The following GNB5 variants were observed in gnomAD, a reference collection of about 807,000 sequenced individuals.
GNB5 encodes guanine nucleotide-binding protein subunit beta-5.
A neutral mutation model predicts 55.3 loss-of-function variants in GNB5; 37 were observed. The observed-to-expected ratio is 0.67, with a 90% CI of 0.51 to 0.88. GNB5 has a LOEUF of 0.88. Among genes scored for constraint, GNB5 ranks in the 40% least tolerant of loss-of-function variants. GNB5 has a pLI of 0.00. For missense variants in GNB5, 476 were observed against 515.3 expected, an observed-to-expected ratio of 0.92 and a Z score of 0.74; for synonymous variants, 219 against 198.5, an observed-to-expected ratio of 1.10 and a Z score of -0.87.
At chr15:52,160,096 T>C (rs1257397554) in intron 3 of GNB5, among the ~76,000 whole-genome samples, 1 of 151,958 alleles carries the variant, frequency 6.6e-6, no homozygotes, top group Non-Finnish European at 1.5e-5. Flanking sequence ...TCCAGGCCCA[T>C]GCCACCACAC....
At chr15:52,125,743 TC>T in intron 11 of GNB5, 1 of 547,856 alleles carries the variant, frequency 1.8e-6, no homozygotes, top group Non-Finnish European at 3.2e-6. Context: ...AGCCTTCATT[TC>T]CCCCTGGAGT....
At chr15:52,175,297 A>T (rs2034629586) in intron 3 of GNB5, among the ~76,000 whole-genome samples, 1 of 152,212 alleles carries the variant, frequency 6.6e-6, no homozygotes, top group South Asian at 2.1e-4. Context: ...CTAATTTGGT[A>T]CTATAAAACT....
intron 5 of GNB5, among the ~76,000 whole-genome samples, chr15:52,148,638 C>T (rs928625508): frequency 6.6e-5 from 10 of 152,190 alleles, no homozygotes; most frequent in South Asian, 2.1e-4. Flanking sequence ...CAGGGATGGG[C>T]GCACTTAGTT....
chr15:52,184,771 G>T, intron 1 of GNB5, 77 bp from the exon 2 acceptor site: 1 of 1,217,380 alleles, frequency 8.2e-7, no homozygotes, highest in Non-Finnish European at 1.2e-6. Context: ...CTTCTTGCTT[G>T]TACCGTGGTA....
chr15:52,165,481 G>A (rs577592615), intron 3 of GNB5, among the ~76,000 whole-genome samples: 3 of 152,148 alleles, frequency 2.0e-5, no homozygotes, highest in East Asian at 1.9e-4. Flanking sequence ...AGGGAAGCCC[G>A]CCAGACTAAC....
intron 7 of GNB5, chr15:52,138,451 G>A (rs2033778898): frequency 6.5e-6 from 1 of 152,898 alleles, no homozygotes; most frequent in African/African-American, 2.4e-5. Context: ...ACAAGGAGGG[G>A]AATCTGCTCC....
Position 52,146,674 on chromosome 15 carries a change from C to G in GNB5, c.494+785G>C, listed in dbSNP as rs144787188. On this transcript the variant is annotated intron_variant, in intron 6 of 12. Transcript: ENST00000261837. ...TAATCTCCCAGGCTCAAGCAGTCCT[C>G]CCACCTCAGCTTCCAGAATAGCTGG... Among the ~76,000 whole-genome samples the G allele has an allele frequency of 4.7e-3, 716 of 152,104 alleles. 16 individuals are homozygous for G. Among genetic ancestry groups the G allele is most frequent in the East Asian group, 0.025 (128 of 5,180 alleles).
At chr15:52,180,046 A>T (rs986618742) in intron 2 of GNB5, 167 bp from the exon 3 acceptor site, 10 of 867,876 alleles carry the variant, frequency 1.2e-5, no homozygotes, top group Admixed American at 9.4e-5. Context: ...GAGCCCCAAG[A>T]CCCCGCACCT....
chr15:52,128,337 T>A, intron 9 of GNB5, 93 bp from the exon 10 acceptor site: 1 of 812,154 alleles, frequency 1.2e-6, no homozygotes, highest in African/African-American at 1.7e-5. Context: ...GAATCTCTAT[T>A]TCTAGGGACT....
rs756602177 is a variant in GNB5, at chr15:52,124,614, A to G, written c.1035T>C (p.Asn345=). 9.3e-6 allele frequency: 15 copies of G among 1,614,070 alleles called. No individual in the cohort carries two copies. The highest frequency in any genetic ancestry group is 1.3e-5 in the Non-Finnish European group (15 of 1,179,956). The change falls in exon 12 of 13, where the codon AAT becomes AAC. Residue 345 remains asparagine (N), a synonymous_variant. Coordinates refer to ENST00000261837, the MANE Select transcript of GNB5 (RefSeq NM_016194.4). ...LSGRLLFAGY[N]DYTINVWDVL... is the part of the protein sequence containing the mutation. Reference sequence around the variant, plus strand: ...CATCCCAGACGTTGATAGTGTAATCATTGTATCCAGCAAACAGCAGGCGAC... The same window carrying G: ...CATCCCAGACGTTGATAGTGTAATCGTTGTATCCAGCAAACAGCAGGCGAC...
rs540360753 is a variant in GNB5 at position 52,147,166 on chromosome 15, G to GTT, written c.494+291_494+292dup. Reference sequence around the variant, plus strand: ...TTATGAAAGAGAGTTTTATGGTTTTGTTTTTTTTTTTTTTTTTTAAAGAGA... The same window carrying GTT: ...TTATGAAAGAGAGTTTTATGGTTTTGTTTTTTTTTTTTTTTTTTTTAAAGAGA... On this transcript the variant is annotated intron_variant, in intron 6 of 12. Transcript: ENST00000261837. 3.9e-3 allele frequency: 688 copies of GTT among 176,728 alleles called. 1 individual carries two copies. Among genetic ancestry groups the GTT allele is most frequent in the South Asian group, 1.0e-2 (112 of 11,224 alleles). The allele number at this position is 176,728 out of a possible 1,614,324, so 10.9% of individuals were successfully genotyped here.
At chr15:52,178,015 T>C (rs2034686399) in intron 3 of GNB5, among the ~76,000 whole-genome samples, 1 of 152,236 alleles carries the variant, frequency 6.6e-6, no homozygotes, top group African/African-American at 2.4e-5. Flanking sequence ...AAAAGCTGCA[T>C]CTCTGCTCTC....
chr15:52,190,778 TAAAAAAAAAAAAAA>T lies in GNB5; in HGVS notation c.-19+530_-19+543del, dbSNP rs58614125. 1.0e-2 allele frequency among the ~76,000 whole-genome samples: 967 copies of T among 96,836 alleles called. 2 individuals are homozygous for T. Among genetic ancestry groups the T allele is most frequent in the African/African-American group, 0.024 (550 of 22,686 alleles). The allele number at this position is 96,836 out of a possible 152,430, so 63.5% of individuals were successfully genotyped here. The stretch of plus-strand genomic sequence containing the variant: ...CCACAGAAAATAATGCTTATTTCCT[TAAAAAAAAAAAAAA>T]AAAAAAAAAAAAAAAAAAAAAAAAA... On this transcript the variant is annotated intron_variant, in intron 1 of 12. Transcript: ENST00000261837.
At chr15:52,173,524 G>A (rs911676987) in intron 3 of GNB5, among the ~76,000 whole-genome samples, 3 of 152,236 alleles carry the variant, frequency 2.0e-5, no homozygotes, top group African/African-American at 7.2e-5. Flanking sequence ...GCAAGAACAA[G>A]CTTGATGGTC....
chr15:52,124,544 G>A lies in GNB5; in HGVS notation c.1105C>T (p.Arg369Cys), dbSNP rs759589203. 76 of 1,613,412 alleles carry A rather than the reference G, an allele frequency of 4.7e-5. No individual in the cohort carries two copies. Among genetic ancestry groups the A allele is most frequent in the South Asian group, 2.9e-4 (26 of 91,076 alleles). Reference protein sequence around the residue: ...RVSILFGHENRVSTLRVSPDG... With the variant: ...RVSILFGHENCVSTLRVSPDG... ...GGGGAAACTCGTAGAGTGCTAACGC[G>A]GTTTTCATGTCCAAACAGGATGGAG... The change falls in exon 12 of 13, where the codon CGC becomes TGC. Residue 369 changes from arginine to cysteine, a missense_variant. Coordinates refer to ENST00000261837, the MANE Select transcript of GNB5 (RefSeq NM_016194.4).
In GNB5 at chr15:52,147,029, T is replaced by C. The variant is rs374381193; in HGVS notation, c.494+430A>G. Reference sequence around the variant, plus strand: ...CATTTTTCAAGGCTTCTGACAGACATTACCAAGTTGCTTTCCAAAATGTTT... The same window carrying C: ...CATTTTTCAAGGCTTCTGACAGACACTACCAAGTTGCTTTCCAAAATGTTT... On this transcript the variant is annotated intron_variant, in intron 6 of 12. Coordinates refer to ENST00000261837, the MANE Select transcript of GNB5 (RefSeq NM_016194.4). 7 of 171,264 alleles carry C rather than the reference T, an allele frequency of 4.1e-5. No homozygotes were observed. In the South Asian group the frequency reaches 9.4e-4, roughly 23 times the overall value. The allele number at this position is 171,264 out of a possible 1,614,324, so 10.6% of individuals were successfully genotyped here.
chr15:52,141,072 C>T (rs2033841352), intron 7 of GNB5, 68 bp downstream of exon 7: 10 of 1,439,176 alleles, frequency 6.9e-6, no homozygotes, highest in Non-Finnish European at 9.7e-6. Context: ...CCGAAAGCTT[C>T]CTCTCCTCTC....
chr15:52,175,917 C>T (rs565588838), intron 3 of GNB5, among the ~76,000 whole-genome samples: 35 of 152,120 alleles, frequency 2.3e-4, no homozygotes, highest in African/African-American at 8.4e-4. Context: ...GGTGTGATGG[C>T]ATGTGCCTGT....
In GNB5 at chr15:52,150,912, G is replaced by A. The variant is rs74704748; in HGVS notation, c.376-987C>T. On this transcript the variant is annotated intron_variant, in intron 4 of 12. Transcript: ENST00000261837. ...AATTTTTTAATCACTCAAGCCATCT[G>A]GGGCCAAACTTTGGTGAATGAGGTG... Among the ~76,000 whole-genome samples, 1,365 of 152,254 alleles carry A rather than the reference G, an allele frequency of 9.0e-3. 23 individuals carry two copies. Among genetic ancestry groups the A allele is most frequent in the African/African-American group, 0.031 (1,302 of 41,546 alleles).
Sources: gnomAD v4.1 joint callset for allele counts (sites outside exome capture counted in the v4.1 genomes callset) on GRCh38, gnomAD v4.1.1 for gene constraint, MANE v1.5 for transcripts, NCBI Gene and HGNC (gene_info 2026-07-23, HGNC 2026-07-21) for gene names.